CLVS1: variants seen among roughly 807,000 people sequenced by gnomAD.
CLVS1 encodes clavesin-1.
CLVS1 carries 10 observed loss-of-function variants against 33.1 expected under a neutral mutation model. That is an observed-to-expected ratio of 0.30 (90% CI 0.19 to 0.51). CLVS1 has a LOEUF of 0.51. Ranked by LOEUF, CLVS1 falls within the 20% of genes least tolerant of loss-of-function variation. The pLI, the probability that CLVS1 is intolerant of heterozygous loss-of-function variation, is 0.97. For synonymous variants in CLVS1, 163 were observed against 166.1 expected (o/e 0.98, Z 0.14); for missense variants, 343 against 433.4 (o/e 0.79, Z 1.85).
intron 2 of CLVS1, among the ~76,000 whole-genome samples, chr8:61,214,392 G>A (rs1009168904): frequency 1.3e-5 from 2 of 152,112 alleles, no homozygotes; most frequent in Admixed American, 1.3e-4. Context: ...CAGACGCCCA[G>A]CTTTAAAATT....
chr8:61,365,722 T>G (rs538834677), intron 2 of CLVS1, among the ~76,000 whole-genome samples: 10 of 151,914 alleles, frequency 6.6e-5, no homozygotes, highest in African/African-American at 2.4e-4. Flanking sequence ...CGAAGTCATA[T>G]GTTTGTGATT....
chr8:61,345,360 G>A (rs1812175635), intron 2 of CLVS1, among the ~76,000 whole-genome samples: 1 of 152,156 alleles, frequency 6.6e-6, no homozygotes, highest in South Asian at 2.1e-4. Flanking sequence ...CAAAGCAAAG[G>A]CTGGGCTGAC....
At chr8:61,007,129 G>C in the CLVS1 span, among the ~76,000 whole-genome samples, 2 of 152,172 alleles carry the variant, frequency 1.3e-5, no homozygotes, top group African/African-American at 4.8e-5. Context: ...GAAGTAAAAG[G>C]AAACTTTTGT....
At chr8:61,292,826 A>T (rs1810044362) in intron 1 of CLVS1, among the ~76,000 whole-genome samples, 1 of 152,228 alleles carries the variant, frequency 6.6e-6, no homozygotes, top group Admixed American at 6.5e-5. Flanking sequence ...CAAAAATCTC[A>T]TACTTTATAA....
intron 1 of CLVS1, among the ~76,000 whole-genome samples, chr8:61,083,207 G>A (rs1050444768): frequency 3.3e-5 from 5 of 152,134 alleles, no homozygotes; most frequent in Admixed American, 2.6e-4. Flanking sequence ...CACTGGACTC[G>A]GTAACTATAC....
At position 61,237,475 on chromosome 8, in the gene CLVS1, GA is replaced by G. The variant is rs149484438; in HGVS notation, c.-151-62200del. Among the ~76,000 whole-genome samples the G allele has an allele frequency of 8.1e-3, 1,232 of 152,282 alleles. 19 individuals are homozygous for G. Among genetic ancestry groups the G allele is most frequent in the African/African-American group, 0.026 (1,079 of 41,562 alleles). On this transcript the variant is annotated intron_variant, in intron 2 of 2. Coordinates refer to the CLVS1 transcript ENST00000522621. Reference sequence around the variant, plus strand: ...GGAAAAATAAGAGGAGGAAGTTCATGAAGAAAAGTTCTTCTCTACTTTGAGA... The same window carrying G: ...GGAAAAATAAGAGGAGGAAGTTCATGAGAAAAGTTCTTCTCTACTTTGAGA...
At chr8:61,291,112 T>C (rs996677854) in intron 1 of CLVS1, among the ~76,000 whole-genome samples, 3 of 152,196 alleles carry the variant, frequency 2.0e-5, no homozygotes, top group Non-Finnish European at 4.4e-5. Flanking sequence ...TTCCATTTAT[T>C]GAGATAATAA....
At chr8:61,317,990 G>A (rs967875105) in intron 2 of CLVS1, among the ~76,000 whole-genome samples, 2 of 152,124 alleles carry the variant, frequency 1.3e-5, no homozygotes, top group Admixed American at 1.3e-4. Context: ...CCCTTTGTGG[G>A]TTCATTTCCC....
chr8:61,097,483 TGA>T (rs919502294), intron 1 of CLVS1, among the ~76,000 whole-genome samples: 48 of 152,284 alleles, frequency 3.2e-4, no homozygotes, highest in African/African-American at 1.1e-3. Flanking sequence ...GTTTCACTCG[TGA>T]GAGTTTCTAG....
intron 2 of CLVS1, among the ~76,000 whole-genome samples, chr8:61,355,391 G>GT (rs1353006401): frequency 6.6e-6 from 1 of 151,848 alleles, no homozygotes; most frequent in East Asian, 1.9e-4. Flanking sequence ...GTGGTGGTTT[G>GT]TTTTTTACTA....
intron 1 of CLVS1, among the ~76,000 whole-genome samples, chr8:61,118,900 G>T (rs1167312988): frequency 3.3e-5 from 5 of 152,164 alleles, no homozygotes; most frequent in Non-Finnish European, 7.3e-5. Flanking sequence ...GCTTGGTGCA[G>T]AGCTGAGTTC....
intron 3 of CLVS1, among the ~76,000 whole-genome samples, chr8:61,445,959 T>G (rs1022420930): frequency 2.6e-5 from 4 of 152,176 alleles, no homozygotes; most frequent in African/African-American, 9.7e-5. Context: ...TTCTTTATAG[T>G]ATTCCCGGCT....
chr8:61,035,187 C>CTTTTTTTT, the CLVS1 span, among the ~76,000 whole-genome samples: 3 of 129,408 alleles, frequency 2.3e-5, no homozygotes, highest in Non-Finnish European at 4.8e-5. Flanking sequence ...TTTCTTTTTT[C>CTTTTTTTT]TTTTTTTTTT....
intron 2 of CLVS1, among the ~76,000 whole-genome samples, chr8:61,253,819 T>C (rs896867093): frequency 1.3e-5 from 2 of 152,124 alleles, no homozygotes; most frequent in African/African-American, 2.4e-5. Flanking sequence ...GTTAGCCATT[T>C]GTCTTATCTT....
At chr8:61,306,451 C>T (rs943367332) in intron 2 of CLVS1, among the ~76,000 whole-genome samples, 1 of 152,122 alleles carries the variant, frequency 6.6e-6, no homozygotes, top group South Asian at 2.1e-4. Flanking sequence ...TTGTGGGATG[C>T]ATTACATGCA....
upstream of CLVS1, among the ~76,000 whole-genome samples, chr8:61,286,172 G>T (rs752335399): frequency 7.8e-4 from 119 of 151,974 alleles, no homozygotes; most frequent in Non-Finnish European, 1.6e-3. Flanking sequence ...ATGAAGAGGG[G>T]GCTAAGTGAG....
chr8:61,369,370 G>T (rs1289413356), intron 2 of CLVS1, among the ~76,000 whole-genome samples: 1 of 152,090 alleles, frequency 6.6e-6, no homozygotes, highest in East Asian at 1.9e-4. Flanking sequence ...TTGCTTAGGA[G>T]CATGATGGCA....
At position 61,218,606 on chromosome 8, in the gene CLVS1, C is replaced by T. The variant is rs192020740; in HGVS notation, c.-151-81071C>T. 4.7e-3 allele frequency among the ~76,000 whole-genome samples: 709 copies of T among 149,614 alleles called. 5 individuals carry two copies. Among genetic ancestry groups the T allele is most frequent in the African/African-American group, 0.016 (660 of 40,524 alleles). On this transcript the variant is annotated intron_variant, in intron 2 of 2. Transcript: ENST00000522621. ...ATGTATTGAAACATTACTATGTACTCCATGAATATGTATAATTATTATATG... is the reference window on the plus strand; with the variant it reads ...ATGTATTGAAACATTACTATGTACTTCATGAATATGTATAATTATTATATG...
chr8:61,063,308 AG>A (rs1256431766), intron 1 of CLVS1, among the ~76,000 whole-genome samples: 1 of 147,382 alleles, frequency 6.8e-6, no homozygotes, highest in Non-Finnish European at 1.5e-5. Flanking sequence ...AGAGAGAGAG[AG>A]AACAGTCATT....
Sources: allele counts gnomAD v4.1 joint callset (sites outside exome capture counted in the v4.1 genomes callset), GRCh38; gene constraint gnomAD v4.1.1; transcripts MANE v1.5; gene names NCBI Gene and HGNC (gene_info 2026-07-23, HGNC 2026-07-21).